Variants in ST8SIA1 observed in about 807,000 individuals in gnomAD.
ST8SIA1 encodes the protein alpha-N-acetylneuraminide alpha-2,8-sialyltransferase.
Under a neutral mutation model 35.9 loss-of-function variants are expected in ST8SIA1, and 16 were observed. The ratio of observed to expected loss-of-function variants is 0.45; its 90% CI spans 0.30 to 0.68. ST8SIA1 has a LOEUF of 0.68. Ranked by LOEUF, ST8SIA1 falls within the 30% of genes least tolerant of loss-of-function variation. ST8SIA1 has a pLI of 0.09. For missense variants in ST8SIA1, 383 were observed against 453.6 expected, an observed-to-expected ratio of 0.84 and a Z score of 1.41; for synonymous variants, 170 against 169.6, an observed-to-expected ratio of 1.00 and a Z score of -0.02.
chr12:22,205,431 G>T (rs1373045166), intron 4 of ST8SIA1, among the ~76,000 whole-genome samples: 1 of 152,046 alleles, frequency 6.6e-6, no homozygotes, highest in Non-Finnish European at 1.5e-5. Context: ...CAAAAACAGA[G>T]TGGAAAGGAC....
chr12:22,224,343 C>G (rs1307255385), intron 4 of ST8SIA1, among the ~76,000 whole-genome samples: 2 of 148,818 alleles, frequency 1.3e-5, no homozygotes, highest in African/African-American at 4.9e-5. Flanking sequence ...TGGAGTCTTA[C>G]TCTGCGCCCA....
At chr12:22,332,961 C>T (rs918962929) in intron 1 of ST8SIA1, among the ~76,000 whole-genome samples, 1 of 152,120 alleles carries the variant, frequency 6.6e-6, no homozygotes, top group Non-Finnish European at 1.5e-5. Flanking sequence ...TCTTCAGCCC[C>T]AGAGACTAAA....
chr12:22,250,246 C>G (rs1380074019), intron 3 of ST8SIA1, among the ~76,000 whole-genome samples: 1 of 152,128 alleles, frequency 6.6e-6, no homozygotes, highest in African/African-American at 2.4e-5. Context: ...AATTCATTTG[C>G]CTGACTTCAG....
chr12:22,318,902 C>G (rs924100930), intron 1 of ST8SIA1, among the ~76,000 whole-genome samples: 7 of 152,218 alleles, frequency 4.6e-5, no homozygotes, highest in African/African-American at 7.2e-5. Context: ...CAGAGCCAGA[C>G]AGACCATTTT....
chr12:22,334,014 G>A lies in ST8SIA1; in HGVS notation c.219C>T (p.Thr73=). The change falls in exon 1 of 5, where the codon ACC becomes ACT. Residue 73 remains threonine, a synonymous_variant. Coordinates refer to ENST00000396037, the MANE Select transcript of ST8SIA1 (RefSeq NM_003034.4). ...AGGAGTACCTGAACGCTCTGGCCGCGGTCTGGTTCCTCCTCCACGCCGTGC... is the reference window on the plus strand; with the variant it reads ...AGGAGTACCTGAACGCTCTGGCCGCAGTCTGGTTCCTCCTCCACGCCGTGC... The part of the protein sequence containing the change: ...QQGTAWRRNQ[T]AARAFRKQME... 6.2e-7 allele frequency: 1 copy of A among 1,613,942 alleles called. No homozygotes were observed. The highest frequency in any genetic ancestry group is 1.6e-4 in the Middle Eastern group (1 of 6,062).
At chr12:22,236,748 G>T (rs1382705408) in intron 4 of ST8SIA1, among the ~76,000 whole-genome samples, 1 of 152,142 alleles carries the variant, frequency 6.6e-6, no homozygotes, top group African/African-American at 2.4e-5. Flanking sequence ...TGCTTTTAGA[G>T]TAATGTTTGA....
chr12:22,285,895 A>C (rs1261054362), intron 2 of ST8SIA1, among the ~76,000 whole-genome samples: 2 of 114,446 alleles, frequency 1.7e-5, no homozygotes, highest in Non-Finnish European at 2.0e-5. Context: ...AAAAAAAAAA[A>C]AGGACATTTC....
chr12:22,265,542 T>A (rs1865837542), intron 2 of ST8SIA1, among the ~76,000 whole-genome samples: 1 of 152,254 alleles, frequency 6.6e-6, no homozygotes, highest in Admixed American at 6.5e-5. Context: ...GTCTCACTTG[T>A]AACAACTGTA....
intron 4 of ST8SIA1, 102 bp from the exon 5 acceptor site, chr12:22,202,140 T>C (rs1283074490): frequency 1.0e-5 from 10 of 987,744 alleles, no homozygotes; most frequent in Non-Finnish European, 1.5e-5. Flanking sequence ...TCAAATCATC[T>C]CAATGAAACA....
intron 4 of ST8SIA1, among the ~76,000 whole-genome samples, chr12:22,242,800 T>C (rs1162104808): frequency 6.6e-6 from 1 of 152,170 alleles, no homozygotes; most frequent in Non-Finnish European, 1.5e-5. Context: ...AGGATAATAG[T>C]AAGGAGTTTA....
intron 1 of ST8SIA1, among the ~76,000 whole-genome samples, chr12:22,304,237 A>C (rs2135827210): frequency 6.6e-6 from 1 of 152,274 alleles, no homozygotes; most frequent in South Asian, 2.1e-4. Context: ...TTACAAGCTA[A>C]CATCCAAAAA....
At chr12:22,330,470 C>G (rs1478362050) in intron 1 of ST8SIA1, among the ~76,000 whole-genome samples, 17 of 152,182 alleles carry the variant, frequency 1.1e-4, no homozygotes. Context: ...GAAAGGGATA[C>G]AGCCAGAATT....
chr12:22,274,858 T>C (rs1310349778), intron 2 of ST8SIA1, among the ~76,000 whole-genome samples: 1 of 152,214 alleles, frequency 6.6e-6, no homozygotes, highest in Admixed American at 6.5e-5. Context: ...CTATGTTATG[T>C]GCCAGACCCT....
intron 1 of ST8SIA1, among the ~76,000 whole-genome samples, chr12:22,296,768 A>G (rs1034116288): frequency 1.3e-5 from 2 of 152,168 alleles, no homozygotes; most frequent in Non-Finnish European, 2.9e-5. Context: ...TGGAGGCTTG[A>G]GCAGGAGCAT....
chr12:22,280,442 G>A (rs1321511382), intron 2 of ST8SIA1, among the ~76,000 whole-genome samples: 1 of 152,138 alleles, frequency 6.6e-6, no homozygotes, highest in Non-Finnish European at 1.5e-5. Context: ...TACGGGATGA[G>A]ATGTGACTCA....
chr12:22,292,077 T>C lies in ST8SIA1; in HGVS notation c.237-4784A>G, dbSNP rs1327319683. Among the ~76,000 whole-genome samples, 4 of 152,276 alleles carry C rather than the reference T, an allele frequency of 2.6e-5. No homozygotes were observed. In the East Asian group the frequency reaches 7.7e-4, roughly 29 times the overall value. On this transcript the variant is annotated intron_variant, in intron 1 of 4. Transcript: ENST00000396037. ...GACAAAATAACTTTGAAGAACTATA[T>C]TTAATTTTCAGTTATTTAATTCCAT... is the stretch of plus-strand genomic sequence containing the variant.
chr12:22,320,860 AAAAGAAAG>A (rs370062520), intron 1 of ST8SIA1, among the ~76,000 whole-genome samples: 113 of 150,314 alleles, frequency 7.5e-4, no homozygotes, highest in African/African-American at 2.2e-3. Flanking sequence ...AGAGAAGAAA[AAAAGAAAG>A]AAAGAAAGAA....
rs948736176 is a variant in ST8SIA1 at position 22,284,931 on chromosome 12, T to TA, written c.381+2217dup. Among the ~76,000 whole-genome samples, 11 of 152,150 alleles carry TA rather than the reference T, an allele frequency of 7.2e-5. 1 individual carries two copies. Among genetic ancestry groups the TA allele is most frequent in the East Asian group, 5.8e-4 (3 of 5,178 alleles). ...TGGTAAAACTAAAAGTCCTCATCTATAAAAAAAAGCTACTTTGGATTTCAT... is the reference window on the plus strand; with the variant it reads ...TGGTAAAACTAAAAGTCCTCATCTATAAAAAAAAAGCTACTTTGGATTTCAT... On this transcript the variant is annotated intron_variant, in intron 2 of 4. Coordinates refer to ENST00000396037, the MANE Select transcript of ST8SIA1 (RefSeq NM_003034.4).
chr12:22,294,219 C>A (rs1866215499), intron 1 of ST8SIA1, among the ~76,000 whole-genome samples: 1 of 151,998 alleles, frequency 6.6e-6, no homozygotes, highest in Non-Finnish European at 1.5e-5. Flanking sequence ...GAGAATCAAG[C>A]AGCAGGGTCT....
Sources: allele counts gnomAD v4.1 joint callset (sites outside exome capture counted in the v4.1 genomes callset), GRCh38; gene constraint gnomAD v4.1.1; transcripts MANE v1.5; gene names NCBI Gene and HGNC (gene_info 2026-07-23, HGNC 2026-07-21).